ASCL5: variants seen among roughly 807,000 people sequenced by gnomAD.
ASCL5 encodes the protein achaete-scute family bHLH transcription factor 5.
For missense variants in ASCL5, 262 were observed against 268.9 expected (o/e 0.97, Z 0.18); for synonymous variants, 124 against 131.5 (o/e 0.94, Z 0.39).
In ASCL5 at chr1:201,114,675, A is replaced by C. The variant is rs564113810; in HGVS notation, c.*77T>G. ...TCCTGCGGCGCATCGCGGGTGACCC[A>C]ACAGCCTCCCGCTGCTCCCGAAAGT... On this transcript the variant is annotated 3_prime_UTR_variant, in exon 2 of 2. Transcript: ENST00000449188. The C allele has an allele frequency of 1.1e-4, 132 of 1,196,754 alleles. No individual in the cohort carries two copies. The African/African-American group carries it at 1.6e-3, about 15-fold the overall frequency. 74.1% of individuals were successfully genotyped at this position (1,196,754 alleles called of 1,614,324 possible).
chr1:201,115,417 GC>G lies in ASCL5; in HGVS notation c.-46del. 1 of 1,230,636 alleles carries G rather than the reference GC, an allele frequency of 8.1e-7. No homozygotes were observed. Among genetic ancestry groups the G allele is most frequent in the Non-Finnish European group, 1.0e-6 (1 of 987,050 alleles). The allele number at this position is 1,230,636 out of a possible 1,614,324, so 76.2% of individuals were successfully genotyped here. A position where few individuals can be genotyped will look rare whatever the true frequency, so the allele number is the denominator to read the frequency against. On this transcript the variant is annotated 5_prime_UTR_variant, in exon 2 of 2. Transcript: ENST00000449188. ...CCCAGAGCGAGGCCTCCACCGAATG[GC>G]CCCGGCTTGGGGTCTGCACCGTCTC...
intron 1 of ASCL5, among the ~76,000 whole-genome samples, chr1:201,126,239 A>G (rs1039530495): frequency 6.6e-6 from 1 of 152,192 alleles, no homozygotes; most frequent in Middle Eastern, 3.4e-3. Flanking sequence ...GGGTCCAAGT[A>G]ATCCTCCTGC....
At chr1:201,126,974 G>T (rs1382999558) in intron 1 of ASCL5, 110 bp downstream of exon 1, 2 of 80,782 alleles carry the variant, frequency 2.5e-5, no homozygotes, top group Admixed American at 1.5e-4. Flanking sequence ...GGGTGACTAA[G>T]CCCTGAGTAA....
chr1:201,118,292 C>T (rs1663386189), intron 1 of ASCL5, among the ~76,000 whole-genome samples: 1 of 152,032 alleles, frequency 6.6e-6, no homozygotes, highest in Non-Finnish European at 1.5e-5. Context: ...CCAGCCTGAG[C>T]AACATGGCAA....
At position 201,114,786 on chromosome 1, in the gene ASCL5, G is replaced by A. The variant is rs538162450; in HGVS notation, c.587C>T (p.Ser196Leu). Residue 196 changes from serine to leucine, a missense_variant, in exon 2 of 2, where the codon TCG (serine) becomes TTG (leucine). Ser to Leu is a moderately radical substitution (Grantham distance 145, BLOSUM62 -2). Transcript: ENST00000449188. ...ESSESSCFSPSPFLESEESWH is the reference protein window; with the variant it reads ...ESSESSCFSPLPFLESEESWH ...GGATTCCTCCGACTCCAAGAAAGGC[G>A]ACGGGGAGAAGCAGGAGGACTCGGA... 16 of 1,231,042 alleles carry A rather than the reference G, an allele frequency of 1.3e-5. No individual in the cohort carries two copies. In the South Asian group the frequency reaches 5.8e-4, roughly 44 times the overall value. 76.3% of individuals were successfully genotyped at this position (1,231,042 alleles called of 1,614,324 possible). A position where few individuals can be genotyped will look rare whatever the true frequency, so the allele number is the denominator to read the frequency against.
intron 1 of ASCL5, among the ~76,000 whole-genome samples, chr1:201,116,306 C>T (rs964857227): frequency 8.5e-5 from 13 of 152,140 alleles, no homozygotes; most frequent in African/African-American, 3.1e-4. Flanking sequence ...CAGCAGCCAT[C>T]AGCCAATGAG....
chr1:201,121,437 T>C (rs1000990149), intron 1 of ASCL5, among the ~76,000 whole-genome samples: 7 of 152,202 alleles, frequency 4.6e-5, no homozygotes, highest in African/African-American at 1.7e-4. Context: ...GCTTCTAGTC[T>C]TGTTTAAGTC....
At chr1:201,116,813 T>A (rs1213901873) in intron 1 of ASCL5, among the ~76,000 whole-genome samples, 1 of 152,144 alleles carries the variant, frequency 6.6e-6, no homozygotes, top group Non-Finnish European at 1.5e-5. Flanking sequence ...ATAAGTGCCA[T>A]CTTAGCACTT....
intron 1 of ASCL5, among the ~76,000 whole-genome samples, chr1:201,121,843 C>T (rs1663469545): frequency 1.3e-5 from 2 of 151,752 alleles, no homozygotes; most frequent in South Asian, 4.2e-4. Flanking sequence ...AAAAAAACCC[C>T]AAAACAACAA....
intron 1 of ASCL5, among the ~76,000 whole-genome samples, chr1:201,116,997 G>A (rs1217348961): frequency 1.3e-5 from 2 of 152,106 alleles, no homozygotes; most frequent in Non-Finnish European, 2.9e-5. Context: ...AGATTCCCGA[G>A]AATGTCTCCT....
At chr1:201,116,374 G>C (rs1661339497) in intron 1 of ASCL5, among the ~76,000 whole-genome samples, 1 of 152,078 alleles carries the variant, frequency 6.6e-6, no homozygotes, top group Non-Finnish European at 1.5e-5. Flanking sequence ...GGTGTTGCTG[G>C]TCCATTCAAA....
chr1:201,118,898 C>G (rs986224662), intron 1 of ASCL5, among the ~76,000 whole-genome samples: 1 of 152,086 alleles, frequency 6.6e-6, no homozygotes, highest in Admixed American at 6.5e-5. Context: ...GGGTAAGTCA[C>G]TTTTTAAAGG....
In ASCL5 at chr1:201,115,181, G is replaced by T. The variant is rs1663313036; in HGVS notation, c.192C>A (p.Phe64Leu). The T allele has an allele frequency of 8.9e-6, 11 of 1,231,696 alleles. No individual in the cohort carries two copies. Among genetic ancestry groups the T allele is most frequent in the Non-Finnish European group, 1.0e-5 (10 of 987,968 alleles). The allele number at this position is 1,231,696 out of a possible 1,614,324, so 76.3% of individuals were successfully genotyped here. A position where few individuals can be genotyped will look rare whatever the true frequency, so the allele number is the denominator to read the frequency against. Residue 64 changes from phenylalanine (F) to leucine (L), a missense_variant, in exon 2 of 2, where the codon TTC becomes TTA. Physicochemically the swap from Phe to Leu is conservative, Grantham distance 22 (BLOSUM62 0). Coordinates refer to ENST00000449188, the MANE Select transcript of ASCL5 (RefSeq NM_001270601.2). Reference protein sequence around the residue: ...PPYYDAYAGVFPYVPFPGAFG... With the variant: ...PPYYDAYAGVLPYVPFPGAFG... ...AGGCGCCGGGGAAGGGCACGTAGGG[G>T]AACACCCCCGCATAGGCGTCGTAGT...
At chr1:201,119,438 C>T (rs1388086634) in intron 1 of ASCL5, among the ~76,000 whole-genome samples, 3 of 152,166 alleles carry the variant, frequency 2.0e-5, no homozygotes, top group Non-Finnish European at 2.9e-5. Context: ...GACGCAGTGG[C>T]GGCAACAGAT....
intron 1 of ASCL5, among the ~76,000 whole-genome samples, chr1:201,123,590 T>A (rs1333064499): frequency 6.6e-6 from 1 of 152,218 alleles, no homozygotes; most frequent in Non-Finnish European, 1.5e-5. Flanking sequence ...AATGTTGACC[T>A]GGGATTCAAG....
rs1483423738 is a variant in ASCL5 at position 201,114,926 on chromosome 1, G to C, written c.447C>G (p.Pro149=). ...LSSAPDGSTP[P]ASRGLPGTGP... ...CGGTGCCCGGGAGGCCGCGGGAAGC[G>C]GGGGGCGTCGAGCCGTCGGGGGCCG... is the stretch of plus-strand genomic sequence containing the variant. The change falls in exon 2 of 2, where the codon CCC becomes CCG. Residue 149 remains proline (P), a synonymous_variant. Transcript: ENST00000449188. 4 of 1,230,532 alleles carry C rather than the reference G, an allele frequency of 3.3e-6. No homozygotes were observed. Among genetic ancestry groups the C allele is most frequent in the Non-Finnish European group, 2.0e-6 (2 of 987,232 alleles). 76.2% of individuals were successfully genotyped at this position (1,230,532 alleles called of 1,614,324 possible).
chr1:201,116,397 G>T (rs937828028), intron 1 of ASCL5, among the ~76,000 whole-genome samples: 3 of 152,088 alleles, frequency 2.0e-5, no homozygotes, highest in African/African-American at 7.2e-5. Context: ...CCTCTGCCTG[G>T]CAGAGACAGT....
At chr1:201,126,355 G>C (rs2102203610) in intron 1 of ASCL5, among the ~76,000 whole-genome samples, 1 of 152,200 alleles carries the variant, frequency 6.6e-6, no homozygotes, top group African/African-American at 2.4e-5. Flanking sequence ...TCCCGCCTCA[G>C]CCTGCTGAGT....
Position 201,114,931 on chromosome 1 carries a change from G to A in ASCL5, c.442C>T (p.Pro148Ser), listed in dbSNP as rs534034158. Residue 148 changes from proline to serine, a missense_variant, in exon 2 of 2, where the codon CCC (proline) becomes TCC (serine). Coordinates refer to ENST00000449188, the MANE Select transcript of ASCL5 (RefSeq NM_001270601.2). ...CCCGGGAGGCCGCGGGAAGCGGGGG[G>A]CGTCGAGCCGTCGGGGGCCGAGCTC... is the stretch of plus-strand genomic sequence containing the variant. ...LLSSAPDGST[P>S]PASRGLPGTG... is the part of the protein sequence containing the mutation. 792 of 1,230,922 alleles carry A rather than the reference G, an allele frequency of 6.4e-4. No individual in the cohort carries two copies. The highest frequency in any genetic ancestry group is 7.5e-4 in the Non-Finnish European group (737 of 987,428). 76.2% of individuals were successfully genotyped at this position (1,230,922 alleles called of 1,614,324 possible).
Sources: allele counts gnomAD v4.1 joint callset (sites outside exome capture counted in the v4.1 genomes callset), GRCh38; gene constraint gnomAD v4.1.1; transcripts MANE v1.5; gene names NCBI Gene and HGNC (gene_info 2026-07-23, HGNC 2026-07-21).